Variants in MLLT1 observed in about 807,000 individuals in gnomAD.
MLLT1 encodes the protein MLLT1 super elongation complex subunit.
Under a neutral mutation model 55.1 loss-of-function variants are expected in MLLT1, and 11 were observed. The observed-to-expected ratio is 0.20, with a 90% CI of 0.13 to 0.33. MLLT1 has a LOEUF of 0.33. MLLT1 is among the 10% of genes least tolerant of loss of function. The pLI is 1.00. For missense variants in MLLT1, 536 were observed against 760.6 expected (o/e 0.70, Z 3.47); for synonymous variants, 323 against 320.1 (o/e 1.01, Z -0.10).
At chr19:6,232,919 G>A (rs1010109279) in intron 3 of MLLT1, among the ~76,000 whole-genome samples, 4 of 152,188 alleles carry the variant, frequency 2.6e-5, no homozygotes, top group Admixed American at 6.5e-5. Flanking sequence ...GAGGATGGGC[G>A]TCCCGTGAAG....
intron 3 of MLLT1, among the ~76,000 whole-genome samples, chr19:6,242,207 C>T (rs1228670219): frequency 6.6e-6 from 1 of 152,182 alleles, no homozygotes. Context: ...GCATTTGCAG[C>T]TAAGAGCCAT....
Position 6,212,847 on chromosome 19 carries a change from C to G in MLLT1, c.*195G>C. The G allele has an allele frequency of 1.1e-6, 1 of 938,310 alleles. No individual in the cohort carries two copies. Among genetic ancestry groups the G allele is most frequent in the South Asian group, 1.8e-5 (1 of 54,660 alleles). The allele number at this position is 938,310 out of a possible 1,614,324, so 58.1% of individuals were successfully genotyped here. On this transcript the variant is annotated 3_prime_UTR_variant, in exon 12 of 12. Coordinates refer to ENST00000252674, the MANE Select transcript of MLLT1 (RefSeq NM_005934.4). The stretch of plus-strand genomic sequence containing the variant: ...GCGGCTCCCGTGTGGCCCAGCCCGG[C>G]CCCAGGGCTCCTGGCGATGGAGCGG...
Position 6,230,836 on chromosome 19 carries a change from GC to G in MLLT1, c.277-124del. The G allele has an allele frequency of 5.5e-6, 7 of 1,262,902 alleles. No homozygotes were observed. The South Asian group carries it at 8.2e-5, about 15-fold the overall frequency. The allele number at this position is 1,262,902 out of a possible 1,614,324, so 78.2% of individuals were successfully genotyped here. ...GCCTCTGTTCCCCTCCCTCCGATTT[GC>G]GCCCACTTCTCTCTCAGGGCACCTC... On this transcript the variant is annotated intron_variant, in intron 3 of 11. Coordinates refer to ENST00000252674, the MANE Select transcript of MLLT1 (RefSeq NM_005934.4). The surrounding 1 kb of genome is among the most constrained non-coding windows in gnomAD (Gnocchi z 9.0).
chr19:6,269,473 A>G (rs1258115936), intron 2 of MLLT1, among the ~76,000 whole-genome samples: 1 of 152,252 alleles, frequency 6.6e-6, no homozygotes, highest in Non-Finnish European at 1.5e-5. Context: ...GGAAAAGGTG[A>G]AGACTCAGGA....
chr19:6,216,346 C>G, intron 8 of MLLT1, 59 bp downstream of exon 8: 1 of 1,273,798 alleles, frequency 7.9e-7, no homozygotes, highest in Non-Finnish European at 1.1e-6. Flanking sequence ...TCACTGCAGA[C>G]CCAGCCGGAG....
In MLLT1 at chr19:6,227,007, G is replaced by C; in HGVS notation, c.516C>G (p.Pro172=). Residue 172 remains proline, a synonymous_variant, in exon 5 of 12, where the codon CCC becomes CCG. Coordinates refer to ENST00000252674, the MANE Select transcript of MLLT1 (RefSeq NM_005934.4). The surrounding 1 kb of genome is among the most constrained non-coding windows in gnomAD (Gnocchi z 5.1). ...AGCCGTGGGATGGTTTGGTCTTCTT[G>C]GGGTCAGAGAAGGCAGAGAGTGGAA... is the stretch of plus-strand genomic sequence containing the variant. ...PTIPLSAFSD[P]KKTKPSHGSK... The C allele has an allele frequency of 6.2e-7, 1 of 1,605,068 alleles. No individual in the cohort carries two copies. The highest frequency in any genetic ancestry group is 8.5e-7 in the Non-Finnish European group (1 of 1,176,626).
intron 3 of MLLT1, among the ~76,000 whole-genome samples, chr19:6,232,652 G>C (rs1399402931): frequency 6.6e-6 from 1 of 152,244 alleles, no homozygotes; most frequent in East Asian, 1.9e-4. Flanking sequence ...CCAGCACTTT[G>C]GGAGGCTGAG....
intron 3 of MLLT1, among the ~76,000 whole-genome samples, chr19:6,234,090 G>C (rs1416318042): frequency 6.6e-6 from 1 of 152,258 alleles, no homozygotes; most frequent in Non-Finnish European, 1.5e-5. Context: ...GCTGTGGTGG[G>C]GCTGAAGGAT....
intron 11 of MLLT1, 47 bp downstream of exon 11, chr19:6,213,290 A>C: frequency 6.2e-7 from 1 of 1,610,180 alleles, no homozygotes; most frequent in Non-Finnish European, 8.5e-7. Flanking sequence ...CACACTCCTC[A>C]CAGGCACCCC....
Position 6,222,750 on chromosome 19 carries a change from G to T in MLLT1, c.547-66C>A. 1 of 1,366,006 alleles carries T rather than the reference G, an allele frequency of 7.3e-7. No individual in the cohort carries two copies. 84.6% of individuals were successfully genotyped at this position (1,366,006 alleles called of 1,614,324 possible). ...GTCACGTGGCATTGCGGGGCGCCCT[G>T]CTCCGCCACCCCTGACCCCTACAAA... On this transcript the variant is annotated intron_variant, in intron 5 of 11. Transcript: ENST00000252674. The surrounding 1 kb of genome is among the most constrained non-coding windows in gnomAD (Gnocchi z 4.1).
At position 6,212,974 on chromosome 19, in the gene MLLT1, A is replaced by G. The variant is rs1174818048; in HGVS notation, c.*68T>C. On this transcript the variant is annotated 3_prime_UTR_variant, in exon 12 of 12. Transcript: ENST00000252674. Reference sequence around the variant, plus strand: ...CTGCGGGCAGGCGAGACGGGAGAGGAGGGCAGGCGAGGCCTGGCTGCAGCC... The same window carrying G: ...CTGCGGGCAGGCGAGACGGGAGAGGGGGGCAGGCGAGGCCTGGCTGCAGCC... The G allele has an allele frequency of 1.9e-6, 3 of 1,580,438 alleles. No homozygotes were observed. The highest frequency in any genetic ancestry group is 2.6e-6 in the Non-Finnish European group (3 of 1,160,154).
intron 3 of MLLT1, among the ~76,000 whole-genome samples, chr19:6,241,706 G>A (rs549725605): frequency 6.6e-6 from 1 of 152,102 alleles, no homozygotes; most frequent in African/African-American, 2.4e-5. Context: ...CTCCAGACCC[G>A]CCCTCTAGGA....
chr19:6,255,980 A>G (rs1465707689), intron 3 of MLLT1, among the ~76,000 whole-genome samples: 1 of 152,066 alleles, frequency 6.6e-6, no homozygotes. Context: ...GCACTTTGGG[A>G]GGCCGAGGCA....
At chr19:6,213,599 G>A in intron 10 of MLLT1, 127 bp downstream of exon 10, 1 of 1,060,580 alleles carries the variant, frequency 9.4e-7, no homozygotes, top group Non-Finnish European at 1.4e-6. Context: ...AGGAAGGACT[G>A]TCCCTGCTCC....
chr19:6,246,795 A>G (rs1256524302), intron 3 of MLLT1, among the ~76,000 whole-genome samples: 1 of 152,200 alleles, frequency 6.6e-6, no homozygotes, highest in Non-Finnish European at 1.5e-5. Context: ...GGGCAGACCC[A>G]AGATGAAATG....
Position 6,270,730 on chromosome 19 carries a change from C to T in MLLT1, c.42G>A (p.Gly14=), listed in dbSNP as rs751038879. The part of the protein sequence containing the change: ...QCTVQVRLEL[G]HRAQLRKKPT... Reference sequence around the variant, plus strand: ...GCTTCTTGCGCAGTTGGGCGCGATGCCCCAGCTCTAACCTCACCTGGACGG... The same window carrying T: ...GCTTCTTGCGCAGTTGGGCGCGATGTCCCAGCTCTAACCTCACCTGGACGG... Residue 14 remains glycine (G), a synonymous_variant, in exon 2 of 12, where the codon GGG becomes GGA. Transcript: ENST00000252674. The surrounding 1 kb of genome is among the most constrained non-coding windows in gnomAD (Gnocchi z 7.1). 7 of 1,613,010 alleles carry T rather than the reference C, an allele frequency of 4.3e-6. No homozygotes were observed. Among genetic ancestry groups the T allele is most frequent in the Middle Eastern group, 1.6e-4 (1 of 6,078 alleles).
At chr19:6,218,934 C>G (rs577438866) in intron 6 of MLLT1, among the ~76,000 whole-genome samples, 2 of 152,294 alleles carry the variant, frequency 1.3e-5, no homozygotes, top group East Asian at 3.9e-4. Flanking sequence ...GGCTTGAGCC[C>G]CTCAGACCAG....
chr19:6,216,558 C>T (rs757846811), intron 7 of MLLT1, 45 bp from the exon 8 acceptor site: 1 of 1,411,022 alleles, frequency 7.1e-7, no homozygotes, highest in Non-Finnish European at 9.7e-7. Flanking sequence ...GGGCAGGGCT[C>T]CACTGAGCCT....
chr19:6,260,829 G>A (rs988123725), intron 3 of MLLT1, among the ~76,000 whole-genome samples: 2 of 152,230 alleles, frequency 1.3e-5, no homozygotes, highest in Non-Finnish European at 2.9e-5. Context: ...CTGGGCAAAA[G>A]AGCAAGACCT....
Sources: gnomAD v4.1 joint callset for allele counts (sites outside exome capture counted in the v4.1 genomes callset) on GRCh38, gnomAD v4.1.1 for gene constraint, Gnocchi (gnomAD v3.1) non-coding constraint, MANE v1.5 for transcripts, NCBI Gene and HGNC (gene_info 2026-07-23, HGNC 2026-07-21) for gene names.